Variants in ZNF567 observed in about 807,000 individuals in gnomAD.
The protein encoded by ZNF567 is zinc finger protein 567.
In ZNF567, 36 loss-of-function variants were observed where a neutral mutation model predicts 53.9. That is an observed-to-expected ratio of 0.67 (90% confidence interval 0.51 to 0.88). The LOEUF (loss-of-function observed/expected upper bound fraction) is 0.88, where lower values mean the gene tolerates loss of function less well. ZNF567 is among the 40% of genes least tolerant of loss of function. The pLI, the probability that ZNF567 is intolerant of heterozygous loss-of-function variation, is 0.00. For missense variants in ZNF567, 619 were observed against 764.7 expected, an observed-to-expected ratio of 0.81 and a Z score of 2.25; for synonymous variants, 224 against 260.4, an observed-to-expected ratio of 0.86 and a Z score of 1.35.
the ZNF567 span, among the ~76,000 whole-genome samples, chr19:36,675,358 G>C: frequency 6.6e-6 from 1 of 151,780 alleles, no homozygotes; most frequent in Non-Finnish European, 1.5e-5. Flanking sequence ...CTGGGAAACA[G>C]AATGTGACCC....
At chr19:36,701,251 C>G (rs2039167359) in intron 3 of ZNF567, among the ~76,000 whole-genome samples, 1 of 152,122 alleles carries the variant, frequency 6.6e-6, no homozygotes, top group African/African-American at 2.4e-5. Flanking sequence ...GTTTCTTAAT[C>G]TTGAGTTCTA....
chr19:36,701,093 A>G (rs2039158126), intron 3 of ZNF567, among the ~76,000 whole-genome samples: 1 of 151,770 alleles, frequency 6.6e-6, no homozygotes, highest in East Asian at 1.9e-4. Context: ...CACTGCTTTG[A>G]ATGTGTCCCA....
chr19:36,682,891 G>A (rs2038208449), upstream of ZNF567, among the ~76,000 whole-genome samples: 1 of 151,900 alleles, frequency 6.6e-6, no homozygotes, highest in African/African-American at 2.4e-5. Flanking sequence ...ACAGGCGTGA[G>A]CCACCACACC....
intron 3 of ZNF567, among the ~76,000 whole-genome samples, chr19:36,696,322 T>C (rs1221854376): frequency 1.3e-5 from 2 of 152,324 alleles, no homozygotes; most frequent in South Asian, 2.1e-4. Context: ...ATTTACACTC[T>C]CCTGTTCACT....
intron 3 of ZNF567, chr19:36,711,778 T>C (rs1217055121): frequency 1.3e-5 from 2 of 152,354 alleles, no homozygotes; most frequent in African/African-American, 4.8e-5. Context: ...ATGTGTTACA[T>C]GCCTCTGGTA....
At chr19:36,704,371 A>G (rs1169868001) in intron 3 of ZNF567, among the ~76,000 whole-genome samples, 2 of 152,154 alleles carry the variant, frequency 1.3e-5, no homozygotes, top group South Asian at 2.1e-4. Context: ...CAGTGAGCCA[A>G]GGTGGTGCCA....
intron 3 of ZNF567, among the ~76,000 whole-genome samples, chr19:36,704,619 A>G (rs976742804): frequency 4.6e-5 from 7 of 152,006 alleles, no homozygotes; most frequent in African/African-American, 1.4e-4. Context: ...AATATGATGA[A>G]TTTGCTAATA....
chr19:36,695,768 G>A (rs1481122111), intron 3 of ZNF567, among the ~76,000 whole-genome samples: 1 of 152,050 alleles, frequency 6.6e-6, no homozygotes, highest in East Asian at 1.9e-4. Context: ...GCTATGCAGG[G>A]ACAAAAATGC....
At chr19:36,689,238 T>A (rs530641108) in intron 1 of ZNF567, among the ~76,000 whole-genome samples, 159 bp from the exon 2 acceptor site, 4,686 of 23,750 alleles carry the variant, frequency 0.2, 98 homozygotes, top group Middle Eastern at 0.38. Flanking sequence ...TATTTGAGAG[T>A]GTGTGTGTGT....
chr19:36,710,701 TG>T (rs1284971788), intron 3 of ZNF567, among the ~76,000 whole-genome samples: 1 of 152,120 alleles, frequency 6.6e-6, no homozygotes. Flanking sequence ...TGTTTAGATT[TG>T]GGGGCTCACG....
chr19:36,700,885 A>G (rs2039143965), intron 3 of ZNF567, among the ~76,000 whole-genome samples: 6 of 151,986 alleles, frequency 3.9e-5, no homozygotes, highest in Admixed American at 3.9e-4. Flanking sequence ...TCCTGGATTC[A>G]TTAATTTTTT....
At chr19:36,688,355 T>C (rs1461540837) in intron 1 of ZNF567, among the ~76,000 whole-genome samples, 1 of 151,960 alleles carries the variant, frequency 6.6e-6, no homozygotes, top group Non-Finnish European at 1.5e-5. Flanking sequence ...AGAAACCGAG[T>C]GTTGACTAAA....
chr19:36,670,699 G>T, the ZNF567 span, among the ~76,000 whole-genome samples: 1 of 152,144 alleles, frequency 6.6e-6, no homozygotes, highest in Non-Finnish European at 1.5e-5. Context: ...CTTTCAATTG[G>T]TAAGGCCAGT....
chr19:36,718,267 A>G (rs930208858), intron 5 of ZNF567, among the ~76,000 whole-genome samples: 1 of 152,170 alleles, frequency 6.6e-6, no homozygotes, highest in Non-Finnish European at 1.5e-5. Flanking sequence ...TGGGAGGCCA[A>G]GGTGGGCAGA....
chr19:36,715,955 C>T (rs890395722), intron 5 of ZNF567, among the ~76,000 whole-genome samples: 2 of 152,156 alleles, frequency 1.3e-5, no homozygotes, highest in Non-Finnish European at 2.9e-5. Context: ...GACATCCTCC[C>T]ATATTCTGAT....
At chr19:36,722,077 A>G (rs1171108943), downstream of ZNF567, among the ~76,000 whole-genome samples, 1 of 152,038 alleles carries the variant, frequency 6.6e-6, no homozygotes, top group Non-Finnish European at 1.5e-5. Context: ...TCTATAAGAA[A>G]TGTAAGTCTC....
chr19:36,717,245 A>G (rs986299135), intron 5 of ZNF567, among the ~76,000 whole-genome samples: 1 of 152,164 alleles, frequency 6.6e-6, no homozygotes, highest in African/African-American at 2.4e-5. Context: ...AGATTTGTTA[A>G]CAGAGTTTTC....
intron 3 of ZNF567, among the ~76,000 whole-genome samples, chr19:36,695,642 G>C (rs895611513): frequency 5.3e-5 from 8 of 151,502 alleles, no homozygotes; most frequent in Non-Finnish European, 8.8e-5. Flanking sequence ...GGTCTACAAT[G>C]AGCCATGATG....
At chr19:36,713,729 G>A (rs1475149858) in intron 5 of ZNF567, among the ~76,000 whole-genome samples, 2 of 152,182 alleles carry the variant, frequency 1.3e-5, no homozygotes, top group Non-Finnish European at 2.9e-5. Flanking sequence ...GAGGTCAGGA[G>A]TTTGAAACCA....
Sources: allele counts gnomAD v4.1 joint callset (sites outside exome capture counted in the v4.1 genomes callset), GRCh38; gene constraint gnomAD v4.1.1; transcripts MANE v1.5; gene names NCBI Gene and HGNC (gene_info 2026-07-23, HGNC 2026-07-21).